The following MYLK variants were observed in gnomAD, a reference collection of about 807,000 sequenced individuals.
MYLK encodes myosin light chain kinase, smooth muscle.
Under a neutral mutation model 203.4 loss-of-function variants are expected in MYLK, and 106 were observed. The observed-to-expected ratio is 0.52, with a 90% CI of 0.45 to 0.61. The LOEUF is 0.61. Ranked by LOEUF, MYLK falls within the 20% of genes least tolerant of loss-of-function variation. The pLI is 0.00. For missense variants in MYLK, 2,072 were observed against 2,442.3 expected (o/e 0.85, Z 3.20); for synonymous variants, 867 against 959.5 (o/e 0.90, Z 1.78).
intron 2 of MYLK, among the ~76,000 whole-genome samples, chr3:123,840,722 T>C (rs896476943): frequency 6.6e-6 from 1 of 151,932 alleles, no homozygotes; most frequent in Non-Finnish European, 1.5e-5. Flanking sequence ...TTCTGTGTGG[T>C]TTATCCTGAA....
intron 4 of MYLK, among the ~76,000 whole-genome samples, chr3:123,774,859 C>A (rs2064011073): frequency 6.6e-6 from 1 of 152,102 alleles, no homozygotes; most frequent in South Asian, 2.1e-4. Flanking sequence ...AGCATAGGGT[C>A]TTGTTCACTA....
intron 16 of MYLK, among the ~76,000 whole-genome samples, chr3:123,707,100 A>G (rs116278989): frequency 1.4e-3 from 218 of 152,320 alleles, no homozygotes; most frequent in African/African-American, 5.0e-3. Context: ...GCCAGCTGCC[A>G]TGCTAAAAAA....
chr3:123,659,832 G>A (rs2059508468), intron 23 of MYLK: 1 of 364,794 alleles, frequency 2.7e-6, no homozygotes, highest in Non-Finnish European at 5.5e-6. Context: ...GGGCTCCCTG[G>A]AGGCTTGACT....
intron 19 of MYLK, chr3:123,691,817 CTT>C (rs2060681400): frequency 6.6e-6 from 1 of 152,308 alleles, no homozygotes; most frequent in East Asian, 1.9e-4. Context: ...CCAAAACTAC[CTT>C]TTGAGACATT....
intron 16 of MYLK, among the ~76,000 whole-genome samples, chr3:123,706,033 C>T (rs2061449129): frequency 6.6e-6 from 1 of 152,090 alleles, no homozygotes. Flanking sequence ...AAGCATAATG[C>T]AAAGGCAGTT....
At chr3:123,744,202 A>C (rs2062947435) in intron 5 of MYLK, among the ~76,000 whole-genome samples, 2 of 152,246 alleles carry the variant, frequency 1.3e-5, no homozygotes, top group African/African-American at 4.8e-5. Flanking sequence ...GGTGATATAG[A>C]GCGAAAGTGA....
At chr3:123,747,018 T>A (rs1420523171) in intron 5 of MYLK, among the ~76,000 whole-genome samples, 1 of 152,106 alleles carries the variant, frequency 6.6e-6, no homozygotes, top group African/African-American at 2.4e-5. Flanking sequence ...CACAGTAATT[T>A]AAAACTCAGC....
chr3:123,821,214 A>T (rs1380873915), intron 3 of MYLK, among the ~76,000 whole-genome samples: 1 of 152,148 alleles, frequency 6.6e-6, no homozygotes, highest in Non-Finnish European at 1.5e-5. Context: ...GCTATTATTC[A>T]TCTTTTTTTA....
intron 4 of MYLK, 125 bp from the exon 5 acceptor site, chr3:123,752,663 T>C: frequency 1.0e-6 from 1 of 981,390 alleles, no homozygotes; most frequent in Non-Finnish European, 1.5e-6. Context: ...CATTTCATCC[T>C]CATTTTACAG....
intron 13 of MYLK, among the ~76,000 whole-genome samples, chr3:123,714,501 A>C (rs62264596): frequency 0.034 from 5,137 of 152,232 alleles, 128 homozygotes; most frequent in Middle Eastern, 0.065. Context: ...AGAGAGCCCA[A>C]GACTTCTTCG....
intron 24 of MYLK, among the ~76,000 whole-genome samples, chr3:123,656,896 AG>A (rs1216145669): frequency 2.0e-5 from 3 of 152,240 alleles, no homozygotes; most frequent in Non-Finnish European, 4.4e-5. Flanking sequence ...CCCTGGTGGC[AG>A]CATGCCAAAA....
At chr3:123,831,911 C>T (rs375034088) in intron 2 of MYLK, among the ~76,000 whole-genome samples, 3 of 152,134 alleles carry the variant, frequency 2.0e-5, no homozygotes, top group African/African-American at 4.8e-5. Flanking sequence ...AGAGGACAGA[C>T]GCAGAACCAT....
At chr3:123,728,659 C>G (rs1252359293) in intron 11 of MYLK, among the ~76,000 whole-genome samples, 2 of 152,196 alleles carry the variant, frequency 1.3e-5, no homozygotes, top group Admixed American at 1.3e-4. Context: ...TGTGCTTTTT[C>G]ACTCTTGTGC....
chr3:123,704,768 A>T (rs74703455), intron 16 of MYLK, among the ~76,000 whole-genome samples: 1 of 149,530 alleles, frequency 6.7e-6, no homozygotes, highest in Non-Finnish European at 1.5e-5. Context: ...AAAAAAAAAA[A>T]AATTAGCCGG....
intron 3 of MYLK, among the ~76,000 whole-genome samples, chr3:123,808,719 A>C (rs2065454756): frequency 6.6e-6 from 1 of 152,220 alleles, no homozygotes; most frequent in Non-Finnish European, 1.5e-5. Context: ...ATTGTCACTA[A>C]TACAAACAAC....
At chr3:123,811,579 G>C (rs1360848731) in intron 3 of MYLK, among the ~76,000 whole-genome samples, 1 of 152,142 alleles carries the variant, frequency 6.6e-6, no homozygotes, top group African/African-American at 2.4e-5. Flanking sequence ...CCCTACCGGG[G>C]ACACTGTGCT....
intron 3 of MYLK, among the ~76,000 whole-genome samples, chr3:123,827,749 A>ATATATATATATAT (rs1560269124): frequency 9.7e-6 from 1 of 103,558 alleles, no homozygotes; most frequent in Non-Finnish European, 2.0e-5. Context: ...ATATATATAT[A>ATATATATATATAT]AAGACTCTAC....
intron 2 of MYLK, among the ~76,000 whole-genome samples, 153 bp from the exon 3 acceptor site, chr3:123,831,823 G>A (rs570249177): frequency 2.6e-5 from 4 of 152,312 alleles, no homozygotes; most frequent in East Asian, 3.9e-4. Flanking sequence ...TTTTATTACC[G>A]TGTGGGGGGG....
chr3:123,639,436 C>A (rs1272529317), intron 28 of MYLK, among the ~76,000 whole-genome samples: 1 of 152,322 alleles, frequency 6.6e-6, no homozygotes, highest in African/African-American at 2.4e-5. Flanking sequence ...CTACTACCTG[C>A]AGGGTGGTGA....
Sources: gnomAD v4.1 joint callset for allele counts (sites outside exome capture counted in the v4.1 genomes callset) on GRCh38, gnomAD v4.1.1 for gene constraint, MANE v1.5 for transcripts, NCBI Gene and HGNC (gene_info 2026-07-23, HGNC 2026-07-21) for gene names.